Variants in ETV4 observed in about 807,000 individuals in gnomAD.
ETV4 encodes the protein ETS translocation variant 4.
Under a neutral mutation model 65.9 loss-of-function variants are expected in ETV4, and 42 were observed. The ratio of observed to expected loss-of-function variants is 0.64; its 90% CI spans 0.50 to 0.82. The LOEUF is 0.82. Among genes scored for constraint, ETV4 ranks in the 40% least tolerant of loss-of-function variants. The pLI is 0.00. For missense variants in ETV4, 583 were observed against 630.3 expected, an observed-to-expected ratio of 0.92 and a Z score of 0.80; for synonymous variants, 238 against 260.0, an observed-to-expected ratio of 0.92 and a Z score of 0.81.
At chr17:43,545,127 G>A (rs1209274386) in intron 3 of ETV4, 105 bp from the exon 4 acceptor site, 22 of 1,378,668 alleles carry the variant, frequency 1.6e-5, no homozygotes, top group Non-Finnish European at 2.3e-5. Flanking sequence ...TAGGGACCGA[G>A]AAGAATGACC....
intron 3 of ETV4, 80 bp downstream of exon 3, chr17:43,545,194 C>CGTGTGTGTGT (rs34640745): frequency 0.024 from 15,201 of 632,566 alleles, 134 homozygotes; most frequent in African/African-American, 0.03. Flanking sequence ...CAGAATCGGC[C>CGTGTGTGTGT]GTGTGTGTGT....
At position 43,545,608 on chromosome 17, in the gene ETV4, TCCGCTCCATCCGG is replaced by T. The variant is rs1411443277; in HGVS notation, c.-4_9del. 6.4e-6 allele frequency: 10 copies of T among 1,550,470 alleles called. No homozygotes were observed. Among genetic ancestry groups the T allele is most frequent in the East Asian group, 2.4e-5 (1 of 40,862 alleles). ...TGGTCCAAGTATCCGGCTTTCATCC[TCCGCTCCATCCGG>T]CCGCTCCCTCCGGCCGCACGGCCGG... On this transcript the variant is annotated start_lost and 5_prime_UTR_variant, in exon 2 of 13. Transcript: ENST00000319349.
intron 5 of ETV4, among the ~76,000 whole-genome samples, 200 bp from the exon 6 acceptor site, chr17:43,534,185 C>CTAGTGTA (rs1342814619): frequency 6.6e-6 from 1 of 152,152 alleles, no homozygotes; most frequent in Admixed American, 6.5e-5. Context: ...ATACATCAGA[C>CTAGTGTA]TAGTGTCTGA....
Position 43,528,416 on chromosome 17 carries a change from A to C in ETV4, c.*103T>G. The C allele has an allele frequency of 1.3e-6, 1 of 785,868 alleles. No individual in the cohort carries two copies. Among genetic ancestry groups the C allele is most frequent in the Non-Finnish European group, 2.0e-6 (1 of 493,356 alleles). 48.7% of individuals were successfully genotyped at this position (785,868 alleles called of 1,614,324 possible). A position where few individuals can be genotyped will look rare whatever the true frequency, so the allele number is the denominator to read the frequency against. ...TGGTAGGACAGTGGGGATCTGCCCC[A>C]GAGACATCTGTGGGTTTCAGATGAA... On this transcript the variant is annotated 3_prime_UTR_variant, in exon 13 of 13. Coordinates refer to ENST00000319349, the MANE Select transcript of ETV4 (RefSeq NM_001079675.5).
intron 11 of ETV4, 48 bp from the exon 12 acceptor site, chr17:43,529,284 A>G: frequency 6.3e-7 from 1 of 1,581,154 alleles, no homozygotes; most frequent in Non-Finnish European, 8.7e-7. Flanking sequence ...TGGCAGAGGA[A>G]AAAATGGGGG....
intron 4 of ETV4, among the ~76,000 whole-genome samples, chr17:43,536,724 G>C (rs1971261576): frequency 6.6e-6 from 1 of 152,258 alleles, no homozygotes; most frequent in African/African-American, 2.4e-5. Context: ...AATTTTACAA[G>C]GAATTTATGT....
At chr17:43,540,697 G>GTT (rs1240996807) in intron 4 of ETV4, among the ~76,000 whole-genome samples, 1 of 152,156 alleles carries the variant, frequency 6.6e-6, no homozygotes, top group African/African-American at 2.4e-5. Context: ...TTTGGATAGA[G>GTT]GGTAAGAGGC....
chr17:43,531,319 CCTT>C (rs1970924737), intron 8 of ETV4, among the ~76,000 whole-genome samples: 1 of 152,224 alleles, frequency 6.6e-6, no homozygotes, highest in South Asian at 2.1e-4. Flanking sequence ...GACTGGCCCT[CCTT>C]CGGCCCTTGA....
chr17:43,529,449 C>G, intron 11 of ETV4, 55 bp downstream of exon 11: 9 of 1,558,640 alleles, frequency 5.8e-6, no homozygotes, highest in Non-Finnish European at 7.8e-6. Flanking sequence ...CAGGTTCTCC[C>G]ACCTCCAGGC....
intron 1 of ETV4, chr17:43,545,912 C>T (rs1971798615): frequency 1.8e-6 from 1 of 549,072 alleles, no homozygotes; most frequent in South Asian, 2.0e-5. Context: ...CCCTGCTTTA[C>T]CCGGGCTCGG....
intron 5 of ETV4, 72 bp from the exon 6 acceptor site, chr17:43,534,057 T>A: frequency 3.6e-6 from 5 of 1,402,470 alleles, no homozygotes; most frequent in Non-Finnish European, 4.6e-6. Flanking sequence ...TCTGATACCT[T>A]CTGAGCTTTG....
At chr17:43,545,942 T>C (rs1971801952) in intron 1 of ETV4, 4 of 267,258 alleles carry the variant, frequency 1.5e-5, no homozygotes, top group South Asian at 1.3e-4. Flanking sequence ...AACGTGTGTG[T>C]GTGTGTGTGT....
chr17:43,530,246 G>T, intron 8 of ETV4, 65 bp from the exon 9 acceptor site: 3 of 1,549,714 alleles, frequency 1.9e-6, no homozygotes, highest in South Asian at 2.4e-5. Flanking sequence ...AGGGGAGGAG[G>T]AAGTCCTATC....
rs144916436 is a variant in ETV4 at position 43,529,889 on chromosome 17, A to C, written c.950T>G (p.Phe317Cys). 1.6e-5 allele frequency: 26 copies of C among 1,614,142 alleles called. No individual in the cohort carries two copies. The African/African-American group carries it at 2.8e-4, about 17-fold the overall frequency. ...TCAACAGTCACTTCTCTGACCTTCA[A>C]ATTTCTCAGGGACAACGCAGACATC... ...PDDVCVVPEK[F>C]EGDIKQEGVG... Residue 317 changes from phenylalanine to cysteine, a missense_variant, in exon 10 of 13, where the codon TTT becomes TGT. Physicochemically the swap from Phe to Cys is radical, Grantham distance 205. Transcript: ENST00000319349.
At chr17:43,531,125 T>C (rs570057374) in intron 8 of ETV4, among the ~76,000 whole-genome samples, 1 of 152,170 alleles carries the variant, frequency 6.6e-6, no homozygotes, top group Non-Finnish European at 1.5e-5. Flanking sequence ...GGTTCTTAGT[T>C]GGACAGCCTG....
rs768920741 is a variant in ETV4, at chr17:43,529,506, C to G, written c.1126G>C (p.Glu376Gln). 27 of 1,609,200 alleles carry G rather than the reference C, an allele frequency of 1.7e-5. No individual in the cohort carries two copies. The highest frequency in any genetic ancestry group is 2.1e-5 in the Non-Finnish European group (25 of 1,177,010). The change falls in exon 11 of 13, where the codon GAG becomes CAG. Residue 376 changes from glutamate to glutamine, a missense_variant and splice_region_variant. By Grantham distance (29) the Glu-to-Gln change is conservative. Coordinates refer to ENST00000319349, the MANE Select transcript of ETV4 (RefSeq NM_001079675.5). ...CTGGGAACATCCGAGAGGCCCACCT[C>G]CTCAGGCTCAATGAGCTTGAACTCC... ...GMEFKLIEPEEVARLWGIQKN... is the reference protein window; with the variant it reads ...GMEFKLIEPEQVARLWGIQKN...
At chr17:43,536,032 A>G (rs1042594727) in intron 5 of ETV4, among the ~76,000 whole-genome samples, 16 of 152,126 alleles carry the variant, frequency 1.1e-4, no homozygotes, top group African/African-American at 3.6e-4. Flanking sequence ...AATGGCTTAA[A>G]CCCGGGAGGC....
At chr17:43,543,164 C>A (rs1261904305) in intron 4 of ETV4, among the ~76,000 whole-genome samples, 1 of 151,906 alleles carries the variant, frequency 6.6e-6, no homozygotes, top group Non-Finnish European at 1.5e-5. Flanking sequence ...GAGAGGGAAC[C>A]AAGGAGATCC....
In ETV4 at chr17:43,545,656, C is replaced by A. The variant is rs1265810407; in HGVS notation, c.-39G>T. ...CCGGCCGCACGGCCGGGGCCCCAAG[C>A]GGGGGCCGAGACCTGGTGGGGGAGG... On this transcript the variant is annotated 5_prime_UTR_variant, in exon 2 of 13. Transcript: ENST00000319349. 3 of 1,513,730 alleles carry A rather than the reference C, an allele frequency of 2.0e-6. No individual in the cohort carries two copies. The highest frequency in any genetic ancestry group is 8.9e-7 in the Non-Finnish European group (1 of 1,125,318). The allele number at this position is 1,513,730 out of a possible 1,614,324, so 93.8% of individuals were successfully genotyped here. A position where few individuals can be genotyped will look rare whatever the true frequency, so the allele number is the denominator to read the frequency against.
Sources: gnomAD v4.1 joint callset for allele counts (sites outside exome capture counted in the v4.1 genomes callset) on GRCh38, gnomAD v4.1.1 for gene constraint, MANE v1.5 for transcripts, NCBI Gene and HGNC (gene_info 2026-07-23, HGNC 2026-07-21) for gene names.